GVQW3: variants seen among roughly 807,000 people sequenced by gnomAD.
GVQW3 encodes the protein GVQW motif containing 3.
GVQW3 carries 7 observed loss-of-function variants against 12.5 expected under a neutral mutation model. The observed-to-expected ratio is 0.56, with a 90% CI of 0.32 to 1.05. The LOEUF (loss-of-function observed/expected upper bound fraction) is 1.05, where lower values mean the gene tolerates loss of function less well. Ranked by LOEUF, GVQW3 falls within the 50% of genes least tolerant of loss-of-function variation. The pLI, the probability that GVQW3 is intolerant of heterozygous loss-of-function variation, is 0.04. For synonymous variants in GVQW3, 71 were observed against 67.2 expected (o/e 1.06, Z -0.28); for missense variants, 188 against 190.8 (o/e 0.99, Z 0.09).
At chr11:76,382,395 T>G in intron 1 of GVQW3, 102 bp downstream of exon 1, 1 of 777,244 alleles carries the variant, frequency 1.3e-6, no homozygotes, top group South Asian at 1.5e-5. Context: ...CCAGTCAGCT[T>G]CTGCAGGCGT....
Position 76,403,903 on chromosome 11 carries a change from A to T in GVQW3, c.*145A>T. ...GAAGCGAGAACAAATTTGCCCTTCTATCTTTTTGTTCTATTCAGGTCCTCA... is the reference window on the plus strand; with the variant it reads ...GAAGCGAGAACAAATTTGCCCTTCTTTCTTTTTGTTCTATTCAGGTCCTCA... On this transcript the variant is annotated 3_prime_UTR_variant, in exon 2 of 2. Transcript: ENST00000529331. The T allele has an allele frequency of 1.4e-6, 1 of 701,466 alleles. No individual in the cohort carries two copies. Among genetic ancestry groups the T allele is most frequent in the Non-Finnish European group, 2.6e-6 (1 of 384,152 alleles). 43.5% of individuals were successfully genotyped at this position (701,466 alleles called of 1,614,324 possible).
chr11:76,403,165 C>T (rs566901055), intron 1 of GVQW3, among the ~76,000 whole-genome samples: 2 of 152,226 alleles, frequency 1.3e-5, no homozygotes, highest in East Asian at 1.9e-4. Context: ...ACAAGCTGGT[C>T]TGGAACTCCT....
rs576219243 is a variant in GVQW3 at position 76,403,335 on chromosome 11, G to A, written c.466-325G>A. On this transcript the variant is annotated intron_variant, in intron 1 of 1. Transcript: ENST00000529331. ...TGTATGTAAATAGATTTATTCTTTC[G>A]TATAATTTATTGTGATTATGGAGGC... Among the ~76,000 whole-genome samples the A allele has an allele frequency of 2.0e-4, 31 of 152,280 alleles. No individual in the cohort carries two copies. The South Asian group carries it at 5.2e-3, about 25-fold the overall frequency.
intron 1 of GVQW3, chr11:76,389,702 C>T (rs1398292491): frequency 1.3e-5 from 2 of 152,214 alleles, no homozygotes; most frequent in South Asian, 2.1e-4. Context: ...ATTTCATTCT[C>T]ACATTCTCGC....
At chr11:76,402,921 G>A (rs1947004892) in intron 1 of GVQW3, among the ~76,000 whole-genome samples, 1 of 151,138 alleles carries the variant, frequency 6.6e-6, no homozygotes, top group South Asian at 2.1e-4. Context: ...GCTGGAGGTA[G>A]ACATTTATTA....
intron 1 of GVQW3, among the ~76,000 whole-genome samples, chr11:76,394,804 A>T (rs1464957415): frequency 6.6e-6 from 1 of 152,224 alleles, no homozygotes; most frequent in Non-Finnish European, 1.5e-5. Flanking sequence ...TTACATTCCC[A>T]TCAACAGTGT....
intron 1 of GVQW3, among the ~76,000 whole-genome samples, chr11:76,386,039 A>G (rs1376076523): frequency 6.6e-6 from 1 of 152,184 alleles, no homozygotes; most frequent in Non-Finnish European, 1.5e-5. Context: ...GCCATCTGCA[A>G]ACTTTCTCAA....
At chr11:76,411,323 G>T (rs960794385), downstream of GVQW3, 1 of 152,376 alleles carries the variant, frequency 6.6e-6, no homozygotes, top group Non-Finnish European at 1.5e-5. Flanking sequence ...GGCCTCTAGC[G>T]TTGGAGCTGG....
In GVQW3 at chr11:76,381,994, G is replaced by A. The variant is rs1188174607; in HGVS notation, c.166G>A (p.Asp56Asn). The A allele has an allele frequency of 6.5e-7, 1 of 1,536,424 alleles. No individual in the cohort carries two copies. Among genetic ancestry groups the A allele is most frequent in the Non-Finnish European group, 8.7e-7 (1 of 1,146,972 alleles). ...WHKRFKEGRE[D>N]VRDDARSGRP... The stretch of plus-strand genomic sequence containing the variant: ...CAAAAGGTTTAAAGAAGGACGGGAA[G>A]ATGTTCGAGATGATGCCCGAAGTGG... Residue 56 changes from aspartate to asparagine, a missense_variant, in exon 1 of 2, where the codon GAT (aspartate) becomes AAT (asparagine). By Grantham distance (23) the Asp-to-Asn change is conservative. Coordinates refer to ENST00000529331, the MANE Select transcript of GVQW3 (RefSeq NM_001347885.2).
At chr11:76,410,091 T>C (rs1947070567), downstream of GVQW3, among the ~76,000 whole-genome samples, 1 of 151,902 alleles carries the variant, frequency 6.6e-6, no homozygotes. Flanking sequence ...ACCCCATCTC[T>C]ACAAAAAAAT....
chr11:76,404,017 A>T lies in GVQW3; in HGVS notation c.*259A>T. On this transcript the variant is annotated 3_prime_UTR_variant, in exon 2 of 2. Transcript: ENST00000529331. ...TCAAATGCTAATCTCTTCCGGAAACATCCCCACAGACACACCCAGAAATAA... is the reference window on the plus strand; with the variant it reads ...TCAAATGCTAATCTCTTCCGGAAACTTCCCCACAGACACACCCAGAAATAA... The T allele has an allele frequency of 4.8e-6, 3 of 630,986 alleles. No individual in the cohort carries two copies. Among genetic ancestry groups the T allele is most frequent in the South Asian group, 3.4e-5 (2 of 58,658 alleles). 39.1% of individuals were successfully genotyped at this position (630,986 alleles called of 1,614,324 possible). A position where few individuals can be genotyped will look rare whatever the true frequency, so the allele number is the denominator to read the frequency against.
At chr11:76,391,839 A>G (rs1432178188) in intron 1 of GVQW3, among the ~76,000 whole-genome samples, 1 of 152,240 alleles carries the variant, frequency 6.6e-6, no homozygotes, top group African/African-American at 2.4e-5. Flanking sequence ...CTGTAATCCC[A>G]GCTACTCAGG....
At chr11:76,392,820 G>A (rs568269828) in intron 1 of GVQW3, 1 of 152,286 alleles carries the variant, frequency 6.6e-6, no homozygotes, top group East Asian at 1.9e-4. Flanking sequence ...TTCCCAAGTA[G>A]TGTGTTATGT....
At chr11:76,399,993 C>G (rs1223815527) in intron 1 of GVQW3, among the ~76,000 whole-genome samples, 3 of 131,526 alleles carry the variant, frequency 2.3e-5, no homozygotes, top group Non-Finnish European at 4.8e-5. Context: ...TAATAAATCT[C>G]TCTCTCTCTG....
chr11:76,393,961 C>T (rs1270898811), intron 1 of GVQW3, among the ~76,000 whole-genome samples: 2 of 152,014 alleles, frequency 1.3e-5, no homozygotes, highest in Non-Finnish European at 1.5e-5. Flanking sequence ...TGCAGTGGCA[C>T]CATCTTGGCT....
At chr11:76,385,632 T>G (rs1295761807) in intron 1 of GVQW3, among the ~76,000 whole-genome samples, 1 of 152,218 alleles carries the variant, frequency 6.6e-6, no homozygotes, top group Admixed American at 6.5e-5. Flanking sequence ...TCCACTTAAC[T>G]TACAACTCTT....
intron 1 of GVQW3, among the ~76,000 whole-genome samples, chr11:76,391,080 A>G (rs1174392461): frequency 6.6e-6 from 1 of 152,168 alleles, no homozygotes; most frequent in Non-Finnish European, 1.5e-5. Context: ...TTACCCTACA[A>G]CGTGGTGGTA....
chr11:76,398,740 T>C (rs1946961816), intron 1 of GVQW3, among the ~76,000 whole-genome samples: 1 of 152,182 alleles, frequency 6.6e-6, no homozygotes, highest in Non-Finnish European at 1.5e-5. Context: ...GGATTATAGG[T>C]GTGAGCCACC....
chr11:76,392,078 G>T (rs1255266507), intron 1 of GVQW3: 2 of 152,568 alleles, frequency 1.3e-5, no homozygotes, highest in East Asian at 3.9e-4. Flanking sequence ...GTGGGTTAGG[G>T]AAAGGGCCAG....
Sources: gnomAD v4.1 joint callset for allele counts (sites outside exome capture counted in the v4.1 genomes callset) on GRCh38, gnomAD v4.1.1 for gene constraint, MANE v1.5 for transcripts, NCBI Gene and HGNC (gene_info 2026-07-23, HGNC 2026-07-21) for gene names.